The following EPHA5 variants were observed in gnomAD, a reference collection of about 807,000 sequenced individuals.
EPHA5 encodes ephrin type-A receptor 5.
In EPHA5, 60 loss-of-function variants were observed where a neutral mutation model predicts 105.0. That is an observed-to-expected ratio of 0.57 (90% CI 0.46 to 0.71). The LOEUF (loss-of-function observed/expected upper bound fraction) is 0.71, where lower values mean the gene tolerates loss of function less well. Ranked by LOEUF, EPHA5 falls within the 30% of genes least tolerant of loss-of-function variation. The pLI, the probability that EPHA5 is intolerant of heterozygous loss-of-function variation, is 0.00. For synonymous variants in EPHA5, 513 were observed against 449.1 expected (o/e 1.14, Z -1.80); for missense variants, 1,218 against 1,274.7 (o/e 0.96, Z 0.68).
At chr4:65,441,750 G>T (rs937760977) in intron 5 of EPHA5, among the ~76,000 whole-genome samples, 5 of 151,962 alleles carry the variant, frequency 3.3e-5, no homozygotes, top group African/African-American at 9.7e-5. Flanking sequence ...AAAATGGTTT[G>T]GAACATTTGG....
chr4:65,585,532 T>A (rs1370039845), intron 3 of EPHA5, among the ~76,000 whole-genome samples: 33 of 151,826 alleles, frequency 2.2e-4, no homozygotes, highest in Non-Finnish European at 2.9e-5. Context: ...AAACAGGATC[T>A]GTTAACTTTA....
intron 8 of EPHA5, among the ~76,000 whole-genome samples, chr4:65,388,848 G>A (rs1720407833): frequency 6.6e-6 from 1 of 151,644 alleles, no homozygotes; most frequent in Admixed American, 6.6e-5. Context: ...TTTGGCTTTT[G>A]TTGCCATTGC....
chr4:65,348,721 ATATG>A (rs1722494669), intron 13 of EPHA5, among the ~76,000 whole-genome samples: 1 of 129,462 alleles, frequency 7.7e-6, no homozygotes, highest in South Asian at 2.6e-4. Flanking sequence ...GTGTGTATAT[ATATG>A]TGTGTGTATA....
chr4:65,591,959 T>C (rs1742707303), intron 3 of EPHA5, among the ~76,000 whole-genome samples: 1 of 152,070 alleles, frequency 6.6e-6, no homozygotes, highest in Non-Finnish European at 1.5e-5. Flanking sequence ...AAAACTGAAT[T>C]TAGTATTGGG....
chr4:65,335,841 T>G (rs572524611), intron 15 of EPHA5, 91 bp downstream of exon 15: 1 of 1,304,792 alleles, frequency 7.7e-7, no homozygotes, highest in East Asian at 2.4e-5. Context: ...CAGATTAATG[T>G]CTATACGAGA....
intron 5 of EPHA5, among the ~76,000 whole-genome samples, chr4:65,427,205 G>C (rs1460518920): frequency 1.9e-5 from 2 of 104,250 alleles, no homozygotes; most frequent in Non-Finnish European, 3.8e-5. Context: ...TTTTTTTTGA[G>C]ATGGAGTCTT....
chr4:65,476,127 A>AGAGAGAGTGTGT (rs1425495059), intron 5 of EPHA5, among the ~76,000 whole-genome samples: 48 of 119,188 alleles, frequency 4.0e-4, no homozygotes, highest in African/African-American at 5.9e-4. Context: ...AGAGAGAGAG[A>AGAGAGAGTGTGT]GTGTGTGTGT....
chr4:65,621,604 C>T lies in EPHA5; in HGVS notation c.247-19300G>A, dbSNP rs114990930. On this transcript the variant is annotated intron_variant, in intron 2 of 16. Coordinates refer to ENST00000613740, the MANE Select transcript of EPHA5 (RefSeq NM_001281766.3). ...TTTGTAGAACAAATAAATGAAGGTA[C>T]CAACATCAAAGTAAGGTGTGTTCAG... is the stretch of plus-strand genomic sequence containing the variant. Among the ~76,000 whole-genome samples, 1,070 of 152,104 alleles carry T rather than the reference C, an allele frequency of 7.0e-3. 20 individuals are homozygous for T. Among genetic ancestry groups the T allele is most frequent in the African/African-American group, 0.025 (1,030 of 41,500 alleles).
chr4:65,652,566 T>A (rs1443995721), intron 1 of EPHA5, among the ~76,000 whole-genome samples: 1 of 152,116 alleles, frequency 6.6e-6, no homozygotes, highest in Non-Finnish European at 1.5e-5. Flanking sequence ...TATATCTAAC[T>A]CCAAAGCTCT....
intron 3 of EPHA5, among the ~76,000 whole-genome samples, chr4:65,577,165 G>T (rs1166406254): frequency 1.3e-5 from 2 of 152,116 alleles, no homozygotes; most frequent in Non-Finnish European, 1.5e-5. Context: ...TTTGGATACA[G>T]AATTACATTT....
At chr4:65,520,787 C>A (rs980082184) in intron 3 of EPHA5, among the ~76,000 whole-genome samples, 2 of 152,158 alleles carry the variant, frequency 1.3e-5, no homozygotes, top group African/African-American at 2.4e-5. Flanking sequence ...CTCATCATCA[C>A]TGGCCATCAG....
intron 6 of EPHA5, 123 bp downstream of exon 6, chr4:65,420,293 TTCTAGCCTCCATAATTATGACTGCA>T: frequency 1.3e-6 from 1 of 778,630 alleles, no homozygotes; most frequent in South Asian, 1.9e-5. Flanking sequence ...CCCTGTACAC[TTCTAGCCTCCATAATTATGACTGCA>T]GAATCAATTG....
At chr4:65,392,634 C>A (rs547590071) in intron 8 of EPHA5, among the ~76,000 whole-genome samples, 1 of 152,264 alleles carries the variant, frequency 6.6e-6, no homozygotes, top group South Asian at 2.1e-4. Flanking sequence ...TTATTAACTC[C>A]TATGCACTAC....
chr4:65,460,882 A>G (rs1728059610), intron 5 of EPHA5, among the ~76,000 whole-genome samples: 1 of 151,838 alleles, frequency 6.6e-6, no homozygotes, highest in Non-Finnish European at 1.5e-5. Flanking sequence ...TATTATAGAT[A>G]GTAGTTTAAT....
At chr4:65,461,728 C>T (rs896140241) in intron 5 of EPHA5, among the ~76,000 whole-genome samples, 2 of 151,774 alleles carry the variant, frequency 1.3e-5, no homozygotes, top group African/African-American at 4.8e-5. Context: ...TTAATGGGTA[C>T]AGCAAAACTT....
intron 2 of EPHA5, among the ~76,000 whole-genome samples, chr4:65,603,170 G>A (rs1743908283): frequency 6.6e-6 from 1 of 152,032 alleles, no homozygotes; most frequent in South Asian, 2.1e-4. Flanking sequence ...AATTTATATA[G>A]CTTCCAAAAT....
At chr4:65,561,879 C>A (rs1255320917) in intron 3 of EPHA5, among the ~76,000 whole-genome samples, 5 of 152,106 alleles carry the variant, frequency 3.3e-5, no homozygotes, top group South Asian at 2.1e-4. Flanking sequence ...ATAAAAATTT[C>A]TTTGCAGCTC....
intron 3 of EPHA5, among the ~76,000 whole-genome samples, chr4:65,504,071 A>G (rs1239352872): frequency 6.6e-6 from 1 of 151,502 alleles, no homozygotes; most frequent in East Asian, 1.9e-4. Context: ...AAGCTGTGTA[A>G]AGTATTAGAA....
intron 1 of EPHA5, among the ~76,000 whole-genome samples, chr4:65,644,894 A>G (rs1364839758): frequency 1.3e-5 from 2 of 151,992 alleles, no homozygotes; most frequent in African/African-American, 4.8e-5. Context: ...TACTTTATTC[A>G]TCTATTTTCT....
Sources: gnomAD v4.1 joint callset for allele counts (sites outside exome capture counted in the v4.1 genomes callset) on GRCh38, gnomAD v4.1.1 for gene constraint, MANE v1.5 for transcripts, NCBI Gene and HGNC (gene_info 2026-07-23, HGNC 2026-07-21) for gene names.